The following ESYT3 variants were observed in gnomAD, a reference collection of about 807,000 sequenced individuals.
The protein encoded by ESYT3 is extended synaptotagmin 3.
ESYT3 carries 101 observed loss-of-function variants against 111.5 expected under a neutral mutation model. The ratio of observed to expected loss-of-function variants is 0.91; its 90% confidence interval spans 0.77 to 1.07. The LOEUF (loss-of-function observed/expected upper bound fraction) is 1.07. Among genes scored for constraint, ESYT3 ranks in the 50% least tolerant of loss-of-function variants. The pLI, the probability that ESYT3 is intolerant of heterozygous loss-of-function variation, is 0.00. For missense variants in ESYT3, 1,097 were observed against 1,109.4 expected (o/e 0.99, Z 0.16); for synonymous variants, 416 against 446.8 (o/e 0.93, Z 0.87).
rs768978097 is a variant in ESYT3 at position 138,435,373 on chromosome 3, T to C, written c.327+248T>C. 5.3e-5 allele frequency among the ~76,000 whole-genome samples: 8 copies of C among 152,124 alleles called. No homozygotes were observed. Among genetic ancestry groups the C allele is most frequent in the Non-Finnish European group, 1.2e-4 (8 of 68,012 alleles). On this transcript the variant is annotated intron_variant, in intron 1 of 22. Transcript: ENST00000389567. The surrounding 1 kb of genome is among the most constrained non-coding windows in gnomAD (Gnocchi z 4.8). ...GTGGGAGTGGGGAACTTGGGTTTCA[T>C]TTAAGGCCCCAGAGCTCGAGAGAAG...
At chr3:138,449,082 C>CTTTTTTTTTT (rs398040196) in intron 1 of ESYT3, among the ~76,000 whole-genome samples, 28 of 113,106 alleles carry the variant, frequency 2.5e-4, no homozygotes, top group Non-Finnish European at 3.2e-4. Flanking sequence ...CTTTCTTTTT[C>CTTTTTTTTTT]TTTTTTTTTT....
At position 138,435,938 on chromosome 3, in the gene ESYT3, C is replaced by G. The variant is rs139383977; in HGVS notation, c.327+813C>G. Among the ~76,000 whole-genome samples the G allele has an allele frequency of 3.8e-3, 573 of 152,224 alleles. 2 individuals are homozygous for G. The highest frequency in any genetic ancestry group is 0.013 in the African/African-American group (540 of 41,528). ...GTCCAATGGTTGGTCTGCGGCAAAC[C>G]CTTACTGTCTCTCCGGTGCTGGGGC... On this transcript the variant is annotated intron_variant, in intron 1 of 22. Transcript: ENST00000389567. This position sits in a 1 kb window ranked among gnomAD's most constrained non-coding sequence, Gnocchi z 4.8.
Position 138,435,249 on chromosome 3 carries a change from A to G in ESYT3, c.327+124A>G. ...AGGGCGGGAGCCCGGCGACCTGCAC[A>G]CCCCGTTCCCCACCGCTCCCGGGGC... is the stretch of plus-strand genomic sequence containing the variant. On this transcript the variant is annotated intron_variant, in intron 1 of 22. Coordinates refer to ENST00000389567, the MANE Select transcript of ESYT3 (RefSeq NM_031913.5). The surrounding 1 kb of genome is among the most constrained non-coding windows in gnomAD (Gnocchi z 4.8). 1.0e-6 allele frequency: 1 copy of G among 963,786 alleles called. No homozygotes were observed. Among genetic ancestry groups the G allele is most frequent in the Non-Finnish European group, 1.5e-6 (1 of 670,590 alleles). The allele number at this position is 963,786 out of a possible 1,614,324, so 59.7% of individuals were successfully genotyped here.
At position 138,455,392 on chromosome 3, in the gene ESYT3, TC is replaced by T. The variant is rs1474353501; in HGVS notation, c.504+67del. ...GCAGTCTTCTCTCTGTTCCCTCTCC[TC>T]CCACCTTTCTCCCACCCAGGTCAGT... On this transcript the variant is annotated intron_variant, in intron 3 of 22. Coordinates refer to ENST00000389567, the MANE Select transcript of ESYT3 (RefSeq NM_031913.5). The T allele has an allele frequency of 3.2e-6, 5 of 1,576,920 alleles. No homozygotes were observed. In the South Asian group the frequency reaches 4.6e-5, roughly 14 times the overall value.
In ESYT3 at chr3:138,469,521, T is replaced by C; in HGVS notation, c.1503+17T>C. On this transcript the variant is annotated intron_variant, in intron 15 of 22. Transcript: ENST00000389567. ...ACAAGTAAGGTAAGACAGCTTGGTG[T>C]GTAGCCCTGGGGTAAGGAAACAAGG... 1 of 1,611,062 alleles carries C rather than the reference T, an allele frequency of 6.2e-7. No homozygotes were observed. Among genetic ancestry groups the C allele is most frequent in the South Asian group, 1.1e-5 (1 of 90,900 alleles).
At chr3:138,452,829 A>G (rs1015046144) in intron 2 of ESYT3, among the ~76,000 whole-genome samples, 15 of 152,220 alleles carry the variant, frequency 9.9e-5, no homozygotes, top group African/African-American at 3.4e-4. Context: ...CGTAGCAGGA[A>G]TGACTTAGGT....
Position 138,446,508 on chromosome 3 carries a change from C to T in ESYT3, c.328-5540C>T, listed in dbSNP as rs142043931. 5.1e-3 allele frequency among the ~76,000 whole-genome samples: 771 copies of T among 152,176 alleles called. 8 individuals carry two copies. Among genetic ancestry groups the T allele is most frequent in the African/African-American group, 0.018 (739 of 41,510 alleles). ...ATATGCAACTGGCCAAGTCTTGAAA[C>T]AAAAGAAAGCTGAGATAGCAATTGT... On this transcript the variant is annotated intron_variant, in intron 1 of 22. Transcript: ENST00000389567.
chr3:138,451,908 G>A (rs1300021027), intron 1 of ESYT3, 140 bp from the exon 2 acceptor site: 3 of 909,884 alleles, frequency 3.3e-6, no homozygotes, highest in East Asian at 5.1e-5. Context: ...GAGCGCACCT[G>A]TGACCGACGT....
At position 138,459,943 on chromosome 3, in the gene ESYT3, A is replaced by G. The variant is rs746518686; in HGVS notation, c.649-2A>G. On this transcript the variant is annotated splice_acceptor_variant, in intron 5 of 22. Transcript: ENST00000389567. LOFTEE classifies it high-confidence loss of function. Reference sequence around the variant, plus strand: ...CCTCACGGGCCCTCTGTGCCTATCCAGTTGCAGGGCACCCTGCGGGTCATC... The same window carrying G: ...CCTCACGGGCCCTCTGTGCCTATCCGGTTGCAGGGCACCCTGCGGGTCATC... 6.2e-7 allele frequency: 1 copy of G among 1,613,480 alleles called. No homozygotes were observed. The highest frequency in any genetic ancestry group is 8.5e-7 in the Non-Finnish European group (1 of 1,179,698).
intron 1 of ESYT3, among the ~76,000 whole-genome samples, chr3:138,450,190 G>A (rs967448820): frequency 6.6e-6 from 1 of 152,334 alleles, no homozygotes; most frequent in East Asian, 1.9e-4. Context: ...GATTGAAAGG[G>A]ACCGGTGGGA....
intron 2 of ESYT3, among the ~76,000 whole-genome samples, chr3:138,452,384 A>G (rs1199512218): frequency 1.3e-5 from 2 of 152,226 alleles, no homozygotes; most frequent in Non-Finnish European, 2.9e-5. Flanking sequence ...GGAGAGGAAG[A>G]CATTAATTAG....
intron 1 of ESYT3, 56 bp from the exon 2 acceptor site, chr3:138,451,992 G>C: frequency 1.3e-6 from 2 of 1,599,546 alleles, no homozygotes; most frequent in Non-Finnish European, 8.6e-7. Flanking sequence ...GGCTTGCTTG[G>C]TTCCCAGCGG....
At chr3:138,451,335 G>T (rs2031912560) in intron 1 of ESYT3, among the ~76,000 whole-genome samples, 1 of 152,204 alleles carries the variant, frequency 6.6e-6, no homozygotes, top group African/African-American at 2.4e-5. Flanking sequence ...GGGCAGAGGT[G>T]GGAGGGGCGC....
rs2030648562 is a variant in ESYT3, at chr3:138,435,969, G to T, written c.327+844G>T. Among the ~76,000 whole-genome samples, 1 of 152,084 alleles carries T rather than the reference G, an allele frequency of 6.6e-6. No individual in the cohort carries two copies. Among genetic ancestry groups the T allele is most frequent in the Admixed American group, 6.5e-5 (1 of 15,268 alleles). ...TGTCTCTCCGGTGCTGGGGCTCTTC[G>T]TTTTCAGATTTCTTCCAGTTACTCT... On this transcript the variant is annotated intron_variant, in intron 1 of 22. Transcript: ENST00000389567. The surrounding 1 kb of genome is among the most constrained non-coding windows in gnomAD (Gnocchi z 4.8).
Position 138,474,340 on chromosome 3 carries a change from T to G in ESYT3, c.2456T>G (p.Leu819Arg), listed in dbSNP as rs763962478. The G allele has an allele frequency of 3.1e-6, 5 of 1,595,278 alleles. No individual in the cohort carries two copies. Among genetic ancestry groups the G allele is most frequent in the Admixed American group, 1.8e-5 (1 of 54,298 alleles). ...GTGAAGCGGAAGACCTTGGAACCCC[T>G]GTTTGATGAGACGTAAGTGGGCTGG... Reference protein sequence around the residue: ...TSVKRKTLEPLFDETFEFFVP... With the variant: ...TSVKRKTLEPRFDETFEFFVP... The change falls in exon 20 of 23, where the codon CTG becomes CGG. Residue 819 changes from leucine (L) to arginine (R), a missense_variant. Coordinates refer to ENST00000389567, the MANE Select transcript of ESYT3 (RefSeq NM_031913.5).
At chr3:138,473,229 A>T in intron 18 of ESYT3, 1 of 867,618 alleles carries the variant, frequency 1.2e-6, no homozygotes, top group Non-Finnish European at 1.6e-6. Flanking sequence ...ATTTAATTCA[A>T]CCTTCACAAT....
At chr3:138,455,799 T>A (rs981081266) in intron 3 of ESYT3, among the ~76,000 whole-genome samples, 4 of 152,220 alleles carry the variant, frequency 2.6e-5, no homozygotes, top group Admixed American at 6.5e-5. Flanking sequence ...TCTGTGAAGA[T>A]CAGCAGGTGT....
chr3:138,436,899 G>A (rs1049379809), intron 1 of ESYT3, among the ~76,000 whole-genome samples: 3 of 152,152 alleles, frequency 2.0e-5, no homozygotes, highest in Non-Finnish European at 2.9e-5. Context: ...ATATGTAAAG[G>A]CAGTATATCC....
intron 15 of ESYT3, 138 bp downstream of exon 15, chr3:138,469,642 C>A: frequency 1.5e-6 from 1 of 662,014 alleles, no homozygotes; most frequent in Non-Finnish European, 2.6e-6. Flanking sequence ...TTCAGAATAA[C>A]CTCACAAAAT....
Sources: allele counts gnomAD v4.1 joint callset (sites outside exome capture counted in the v4.1 genomes callset), GRCh38; gene constraint gnomAD v4.1.1; non-coding constraint Gnocchi (gnomAD v3.1); transcripts MANE v1.5; gene names NCBI Gene and HGNC (gene_info 2026-07-23, HGNC 2026-07-21).